The following IGF1R variants were observed in gnomAD, a reference collection of about 807,000 sequenced individuals.
IGF1R encodes insulin-like growth factor 1 receptor.
IGF1R carries 44 observed loss-of-function variants against 144.6 expected under a neutral mutation model. The ratio of observed to expected loss-of-function variants is 0.30; its 90% confidence interval spans 0.24 to 0.39. The LOEUF (loss-of-function observed/expected upper bound fraction) is 0.39. IGF1R is among the 10% of genes least tolerant of loss of function. The probability of loss-of-function intolerance (pLI) is 1.00; values close to 1 mark genes in which losing one functional copy is unlikely to be tolerated. For missense variants in IGF1R, 1,355 were observed against 1,833.7 expected, an observed-to-expected ratio of 0.74 and a Z score of 4.77; for synonymous variants, 795 against 722.8, an observed-to-expected ratio of 1.10 and a Z score of -1.60.
At chr15:98,918,181 G>T (rs927488833) in intron 10 of IGF1R, among the ~76,000 whole-genome samples, 1 of 152,086 alleles carries the variant, frequency 6.6e-6, no homozygotes, top group Non-Finnish European at 1.5e-5. Flanking sequence ...ACGACCTCAT[G>T]CCTGAAAACT....
At chr15:98,907,638 G>A (rs1280596097) in intron 5 of IGF1R, among the ~76,000 whole-genome samples, 2 of 152,226 alleles carry the variant, frequency 1.3e-5, no homozygotes, top group Admixed American at 1.3e-4. Flanking sequence ...TCCTGGGGAA[G>A]CCAGAGAGAA....
chr15:98,705,434 G>A (rs377645503), intron 1 of IGF1R, among the ~76,000 whole-genome samples: 184 of 152,280 alleles, frequency 1.2e-3, no homozygotes, highest in African/African-American at 4.3e-3. Context: ...GAAATCTAAT[G>A]TATGTGACTG....
chr15:98,828,329 A>G (rs1176915945), intron 2 of IGF1R, among the ~76,000 whole-genome samples: 2 of 152,112 alleles, frequency 1.3e-5, no homozygotes, highest in Non-Finnish European at 2.9e-5. Context: ...AAACCTACAA[A>G]AAGCCACTGC....
chr15:98,749,339 C>T (rs913176716), intron 2 of IGF1R, among the ~76,000 whole-genome samples: 4 of 152,058 alleles, frequency 2.6e-5, no homozygotes, highest in Non-Finnish European at 5.9e-5. Context: ...ATTTGTATTT[C>T]TCTTTGGTCT....
intron 10 of IGF1R, among the ~76,000 whole-genome samples, chr15:98,919,337 G>A (rs1388774158): frequency 1.3e-5 from 2 of 152,182 alleles, no homozygotes. Context: ...AGCAGGCTGG[G>A]CGGGAAGTTT....
chr15:98,943,119 C>A, intron 19 of IGF1R, 67 bp downstream of exon 19: 1 of 1,557,364 alleles, frequency 6.4e-7, no homozygotes, highest in Non-Finnish European at 8.9e-7. Context: ...CCAGCTCAGT[C>A]TCTAGGGCTT....
At chr15:98,828,930 T>C (rs538776880) in intron 2 of IGF1R, among the ~76,000 whole-genome samples, 35 of 152,260 alleles carry the variant, frequency 2.3e-4, no homozygotes, top group African/African-American at 7.2e-4. Context: ...GTGAACTTGA[T>C]GCTACGTGAA....
rs535648854 is a variant in IGF1R, at chr15:98,707,244, T to C, written c.95-318T>C. On this transcript the variant is annotated intron_variant, in intron 1 of 20. Transcript: ENST00000650285. The surrounding 1 kb of genome is among the most constrained non-coding windows in gnomAD (Gnocchi z 6.7). ...GAGTCCGGCTGGCCTGGGTTGCAGA[T>C]TTAACTTTCGCCTCTGCCTCTGTGT... Among the ~76,000 whole-genome samples the C allele has an allele frequency of 2.0e-5, 3 of 152,322 alleles. No homozygotes were observed. Among genetic ancestry groups the C allele is most frequent in the African/African-American group, 7.2e-5 (3 of 41,582 alleles).
chr15:98,789,466 T>C (rs1258559415), intron 2 of IGF1R, among the ~76,000 whole-genome samples: 2 of 152,242 alleles, frequency 1.3e-5, no homozygotes, highest in Non-Finnish European at 2.9e-5. Flanking sequence ...GGTCTTGTTT[T>C]TGCCCTTTCT....
chr15:98,784,390 T>G (rs1383904393), intron 2 of IGF1R: 1 of 153,578 alleles, frequency 6.5e-6, no homozygotes, highest in Non-Finnish European at 1.5e-5. Context: ...CCTTTTCTTT[T>G]TACTGCTAGA....
chr15:98,841,353 A>G (rs1031227845), intron 2 of IGF1R, among the ~76,000 whole-genome samples: 6 of 152,224 alleles, frequency 3.9e-5, no homozygotes, highest in African/African-American at 1.2e-4. Context: ...CTATGCCTCA[A>G]TGTTCTCATC....
intron 2 of IGF1R, among the ~76,000 whole-genome samples, chr15:98,801,810 A>G (rs777446609): frequency 6.6e-6 from 1 of 152,182 alleles, no homozygotes; most frequent in Non-Finnish European, 1.5e-5. Context: ...CAGCTTTTAA[A>G]CAGGATGACT....
chr15:98,720,370 T>C (rs1483308556), intron 2 of IGF1R, among the ~76,000 whole-genome samples: 1 of 152,234 alleles, frequency 6.6e-6, no homozygotes, highest in Non-Finnish European at 1.5e-5. Context: ...GATTCAGTTT[T>C]GAAGACAAGG....
chr15:98,716,016 G>A (rs899713365), intron 2 of IGF1R, among the ~76,000 whole-genome samples: 1 of 152,198 alleles, frequency 6.6e-6, no homozygotes, highest in Non-Finnish European at 1.5e-5. Context: ...CCAAACCAGC[G>A]CCCATGGCTC....
chr15:98,856,288 A>G (rs995570050), intron 2 of IGF1R, among the ~76,000 whole-genome samples: 2 of 152,238 alleles, frequency 1.3e-5, no homozygotes, highest in South Asian at 2.1e-4. Flanking sequence ...GAATTGTCCA[A>G]TCAGGCTATA....
rs2015870938 is a variant in IGF1R at position 98,929,824 on chromosome 15, T to C, written c.2885+164T>C. On this transcript the variant is annotated intron_variant, in intron 14 of 20. Transcript: ENST00000650285. ...TCCAGGAAAAGAGAACCTTTTCTAA[T>C]GATTTTAACAACAGCCAAAATAATT... 2.0e-5 allele frequency among the ~76,000 whole-genome samples: 3 copies of C among 152,260 alleles called. No homozygotes were observed. The South Asian group carries it at 6.2e-4, about 31-fold the overall frequency.
chr15:98,757,781 T>C (rs1010655251), intron 2 of IGF1R, among the ~76,000 whole-genome samples: 1 of 152,214 alleles, frequency 6.6e-6, no homozygotes, highest in Admixed American at 6.5e-5. Context: ...CGTTCTGCCT[T>C]GTCTTTCTTT....
chr15:98,723,080 G>C (rs1164159349), intron 2 of IGF1R, among the ~76,000 whole-genome samples: 1 of 152,080 alleles, frequency 6.6e-6, no homozygotes, highest in Non-Finnish European at 1.5e-5. Flanking sequence ...GCCACCGAGA[G>C]AGAGTTTTAT....
chr15:98,824,768 A>G lies in IGF1R; in HGVS notation c.641-66557A>G, dbSNP rs2056861600. Among the ~76,000 whole-genome samples, 5 of 152,000 alleles carry G rather than the reference A, an allele frequency of 3.3e-5. No individual in the cohort carries two copies. The South Asian group carries it at 8.3e-4, about 25-fold the overall frequency. On this transcript the variant is annotated intron_variant, in intron 2 of 20. Coordinates refer to ENST00000650285, the MANE Select transcript of IGF1R (RefSeq NM_000875.5). ...TTCCTAAACACTCTGTTGCAGTTGT[A>G]GTCTGCAGTCACTCTCCTAAGACTT...
Sources: allele counts gnomAD v4.1 joint callset (sites outside exome capture counted in the v4.1 genomes callset), GRCh38; gene constraint gnomAD v4.1.1; non-coding constraint Gnocchi (gnomAD v3.1); transcripts MANE v1.5; gene names NCBI Gene and HGNC (gene_info 2026-07-23, HGNC 2026-07-21).